Variants in RORA observed in about 807,000 individuals in gnomAD.
RORA encodes the protein RAR related orphan receptor A.
RORA carries 7 observed loss-of-function variants against 69.5 expected under a neutral mutation model. The observed-to-expected ratio is 0.10, with a 90% CI of 0.06 to 0.19. The LOEUF (loss-of-function observed/expected upper bound fraction) is 0.19, where lower values mean the gene tolerates loss of function less well. Among genes scored for constraint, RORA ranks in the 10% least tolerant of loss-of-function variants. RORA has a pLI of 1.00. For missense variants in RORA, 457 were observed against 663.0 expected (o/e 0.69, Z 3.41); for synonymous variants, 261 against 240.8 (o/e 1.08, Z -0.78).
At chr15:60,841,624 G>C (rs1006044411) in intron 1 of RORA, among the ~76,000 whole-genome samples, 2 of 152,144 alleles carry the variant, frequency 1.3e-5, no homozygotes, top group Admixed American at 1.3e-4. Context: ...TTCCTCCCTC[G>C]CAAAGGGAGT....
At chr15:60,862,531 G>C (rs1353932290) in intron 1 of RORA, among the ~76,000 whole-genome samples, 1 of 152,184 alleles carries the variant, frequency 6.6e-6, no homozygotes, top group Non-Finnish European at 1.5e-5. Context: ...AGTGTTGAAA[G>C]CAATATGGCA....
At chr15:61,035,372 C>T (rs911612292) in intron 1 of RORA, among the ~76,000 whole-genome samples, 2 of 152,074 alleles carry the variant, frequency 1.3e-5, no homozygotes, top group Non-Finnish European at 2.9e-5. Context: ...TTTACTTACC[C>T]ACACAACGTT....
intron 1 of RORA, among the ~76,000 whole-genome samples, chr15:60,871,117 T>C (rs2073550359): frequency 6.6e-6 from 1 of 152,196 alleles, no homozygotes; most frequent in Non-Finnish European, 1.5e-5. Context: ...AAACAGTAAT[T>C]AGAATGGACT....
chr15:61,183,794 A>C (rs1212977844), intron 1 of RORA, among the ~76,000 whole-genome samples: 1 of 152,224 alleles, frequency 6.6e-6, no homozygotes, highest in African/African-American at 2.4e-5. Context: ...TTTTTCCACA[A>C]AGCAAATGCT....
intron 2 of RORA, chr15:60,600,917 A>T (rs921881225): frequency 2.0e-5 from 3 of 152,214 alleles, no homozygotes; most frequent in Non-Finnish European, 4.4e-5. Flanking sequence ...TCTTTTTAAA[A>T]ATCATTTCAT....
intron 1 of RORA, among the ~76,000 whole-genome samples, chr15:60,744,068 A>G (rs1425173078): frequency 6.6e-6 from 1 of 151,782 alleles, no homozygotes; most frequent in Non-Finnish European, 1.5e-5. Flanking sequence ...TGAAAAAAAA[A>G]AGTTCTGGGA....
intron 1 of RORA, among the ~76,000 whole-genome samples, chr15:61,115,756 T>A (rs1257412636): frequency 6.6e-6 from 1 of 152,084 alleles, no homozygotes; most frequent in East Asian, 1.9e-4. Context: ...GGATCAACAA[T>A]GTGGGCACCA....
chr15:60,693,355 C>A (rs1355416249), intron 1 of RORA, among the ~76,000 whole-genome samples: 1 of 152,142 alleles, frequency 6.6e-6, no homozygotes, highest in Non-Finnish European at 1.5e-5. Flanking sequence ...GCTGAATGGG[C>A]AAAAGCTGGA....
intron 1 of RORA, among the ~76,000 whole-genome samples, chr15:60,684,259 CA>C (rs1388112814): frequency 7.0e-6 from 1 of 142,614 alleles, no homozygotes; most frequent in Non-Finnish European, 1.6e-5. Context: ...TCCTCTTTTG[CA>C]ACGAGAAAAC....
intron 1 of RORA, chr15:60,765,482 C>T (rs996944403): frequency 6.6e-6 from 1 of 152,136 alleles, no homozygotes; most frequent in Non-Finnish European, 1.5e-5. Flanking sequence ...TCCTCTCTGG[C>T]TTGGTCGGGT....
intron 2 of RORA, among the ~76,000 whole-genome samples, chr15:60,555,178 C>T (rs1275101904): frequency 1.3e-5 from 2 of 152,162 alleles, no homozygotes; most frequent in East Asian, 1.9e-4. Context: ...CCTGGGAGCA[C>T]ACCAGGTGGC....
At chr15:60,804,248 A>T (rs1436320370) in intron 1 of RORA, among the ~76,000 whole-genome samples, 12 of 133,364 alleles carry the variant, frequency 9.0e-5, no homozygotes, top group Non-Finnish European at 1.7e-4. Context: ...AGATCACACC[A>T]CGGGACTCCA....
chr15:61,169,522 C>T (rs1055808409), intron 1 of RORA, among the ~76,000 whole-genome samples: 1 of 151,636 alleles, frequency 6.6e-6, no homozygotes, highest in Non-Finnish European at 1.5e-5. Context: ...CCTCCTCACA[C>T]GGGACGTAAA....
intron 1 of RORA, among the ~76,000 whole-genome samples, chr15:61,168,761 T>C (rs1041641147): frequency 6.6e-6 from 1 of 151,804 alleles, no homozygotes; most frequent in African/African-American, 2.4e-5. Flanking sequence ...GGGCTTGAAA[T>C]CAAAACACCG....
At chr15:60,613,515 A>G (rs972978846) in intron 2 of RORA, among the ~76,000 whole-genome samples, 2 of 152,180 alleles carry the variant, frequency 1.3e-5, no homozygotes, top group Admixed American at 1.3e-4. Flanking sequence ...TGAGGGTAAT[A>G]GTACCTTTCC....
chr15:60,744,673 A>G (rs2071623119), intron 1 of RORA, among the ~76,000 whole-genome samples: 1 of 152,176 alleles, frequency 6.6e-6, no homozygotes, highest in South Asian at 2.1e-4. Flanking sequence ...AGGACTGTGA[A>G]GAGCCACCCA....
Position 60,627,614 on chromosome 15 carries a change from G to A in RORA, c.196+51043C>T, listed in dbSNP as rs139775767. On this transcript the variant is annotated intron_variant, in intron 2 of 10. Transcript: ENST00000335670. Reference sequence around the variant, plus strand: ...TAATTGTTGACTAAATTCCAAAGCTGGGCTCCTCTCTTTTCTTTTCTTTCT... The same window carrying A: ...TAATTGTTGACTAAATTCCAAAGCTAGGCTCCTCTCTTTTCTTTTCTTTCT... 1.8e-4 allele frequency: 139 copies of A among 776,524 alleles called. No homozygotes were observed. In the Admixed American group the frequency reaches 1.9e-3, roughly 11 times the overall value. The allele number at this position is 776,524 out of a possible 1,614,324, so 48.1% of individuals were successfully genotyped here.
chr15:60,539,991 T>C (rs1018771640), intron 2 of RORA, among the ~76,000 whole-genome samples: 1 of 152,174 alleles, frequency 6.6e-6, no homozygotes, highest in African/African-American at 2.4e-5. Flanking sequence ...TCGGGGTGGG[T>C]TAAATGTCAT....
rs759439940 is a variant in RORA, at chr15:61,131,327, GT to G, written c.166+97725del. 2.0e-5 allele frequency among the ~76,000 whole-genome samples: 3 copies of G among 152,216 alleles called. No homozygotes were observed. Among genetic ancestry groups the G allele is most frequent in the African/African-American group, 4.8e-5 (2 of 41,448 alleles). On this transcript the variant is annotated intron_variant, in intron 1 of 10. Coordinates refer to ENST00000335670, the MANE Select transcript of RORA (RefSeq NM_134261.3). The surrounding 1 kb of genome is among the most constrained non-coding windows in gnomAD (Gnocchi z 4.2). ...TAATAAATAAATCCATGTTTTAAAAGTTTTGAATTGTCTGTAGAAAATAAAT... is the reference window on the plus strand; with the variant it reads ...TAATAAATAAATCCATGTTTTAAAAGTTTGAATTGTCTGTAGAAAATAAAT...
Sources: allele counts gnomAD v4.1 joint callset (sites outside exome capture counted in the v4.1 genomes callset), GRCh38; gene constraint gnomAD v4.1.1; non-coding constraint Gnocchi (gnomAD v3.1); transcripts MANE v1.5; gene names NCBI Gene and HGNC (gene_info 2026-07-23, HGNC 2026-07-21).